FCN2: variants seen among roughly 807,000 people sequenced by gnomAD.
FCN2 encodes ficolin-2.
In FCN2, 31 loss-of-function variants were observed where a neutral mutation model predicts 32.5. The ratio of observed to expected loss-of-function variants is 0.96; its 90% CI spans 0.72 to 1.29. FCN2 has a LOEUF of 1.29. FCN2 is among the 50% of genes most tolerant of loss of function. The pLI, the probability that FCN2 is intolerant of heterozygous loss-of-function variation, is 0.00. For synonymous variants in FCN2, 181 were observed against 164.5 expected (o/e 1.10, Z -0.77); for missense variants, 412 against 406.5 (o/e 1.01, Z -0.12).
chr9:134,872,681 G>A, the FCN2 span, among the ~76,000 whole-genome samples: 3 of 152,154 alleles, frequency 2.0e-5, no homozygotes, highest in Non-Finnish European at 2.9e-5. Flanking sequence ...ATCAGATCTC[G>A]TGAGACTTGT....
At chr9:134,880,668 C>A, upstream of FCN2, 1 of 693,314 alleles carries the variant, frequency 1.4e-6, no homozygotes, top group Non-Finnish European at 2.7e-6. Context: ...TAGGGAGCAG[C>A]CCTGGAGATG....
the FCN2 span, among the ~76,000 whole-genome samples, chr9:134,865,168 C>T: frequency 6.6e-6 from 1 of 152,242 alleles, no homozygotes; most frequent in Middle Eastern, 3.2e-3. Flanking sequence ...AGGTGGTCCC[C>T]ACTGTGTCCC....
upstream of FCN2, among the ~76,000 whole-genome samples, chr9:134,876,586 G>A (rs1240171978): frequency 1.3e-5 from 2 of 152,060 alleles, no homozygotes; most frequent in Non-Finnish European, 2.9e-5. Context: ...GTTTTGTTTT[G>A]TTTTGTTTTG....
chr9:134,881,022 G>T, intron 1 of FCN2, 101 bp downstream of exon 1: 1 of 826,886 alleles, frequency 1.2e-6, no homozygotes, highest in East Asian at 2.6e-5. Context: ...GCACCAGGCC[G>T]TGTGGAGCAT....
upstream of FCN2, among the ~76,000 whole-genome samples, chr9:134,878,756 T>C (rs769260391): frequency 2.4e-4 from 37 of 152,156 alleles, no homozygotes; most frequent in Non-Finnish European, 4.4e-4. Context: ...GGCAGGAGAA[T>C]CGCTTGAACC....
In FCN2 at chr9:134,885,820, C is replaced by T. The variant is rs146926928; in HGVS notation, c.482C>T (p.Thr161Met). The change falls in exon 6 of 8, where the codon ACG becomes ATG. Residue 161 changes from threonine (T) to methionine (M), a missense_variant. Thr to Met is a moderately conservative substitution (Grantham distance 81, BLOSUM62 -1). Coordinates refer to ENST00000291744, the MANE Select transcript of FCN2 (RefSeq NM_004108.3). ...GTGGACTTCTACCGGGACTGGGCCACGTACAAGCAGGGCTTCGGCAGTCGG... is the reference window on the plus strand; with the variant it reads ...GTGGACTTCTACCGGGACTGGGCCATGTACAAGCAGGGCTTCGGCAGTCGG... ...GSVDFYRDWA[T>M]YKQGFGSRLG... 1.0e-4 allele frequency: 167 copies of T among 1,613,882 alleles called. No individual in the cohort carries two copies. The African/African-American group carries it at 1.6e-3, about 15-fold the overall frequency.
At chr9:134,873,566 C>T in the FCN2 span, among the ~76,000 whole-genome samples, 3 of 152,210 alleles carry the variant, frequency 2.0e-5, no homozygotes, top group Admixed American at 6.5e-5. Flanking sequence ...CCCCGTGTCA[C>T]GACCCTTCAT....
Position 134,885,293 on chromosome 9 carries a change from A to T in FCN2, c.356A>T (p.His119Leu). 6.2e-7 allele frequency: 1 copy of T among 1,614,064 alleles called. No homozygotes were observed. The highest frequency in any genetic ancestry group is 8.5e-7 in the Non-Finnish European group (1 of 1,180,002). ...LDRGHFLSGWHTIYLPDCRPL... is the reference protein window; with the variant it reads ...LDRGHFLSGWLTIYLPDCRPL... ...CGAGGGCACTTCCTGAGCGGCTGGC[A>T]CACCATCTACCTGCCCGACTGCCGG... Residue 119 changes from histidine to leucine, a missense_variant, in exon 5 of 8, where the codon CAC (histidine) becomes CTC (leucine). Physicochemically the swap from His to Leu is moderately conservative, Grantham distance 99. Transcript: ENST00000291744.
chr9:134,876,139 T>C (rs1046949109), upstream of FCN2, among the ~76,000 whole-genome samples: 1 of 152,224 alleles, frequency 6.6e-6, no homozygotes, highest in African/African-American at 2.4e-5. Flanking sequence ...TTGCTCATGA[T>C]ACATTATTTT....
chr9:134,880,835 G>C lies in FCN2; in HGVS notation c.14G>C (p.Arg5Thr). 1 of 1,613,646 alleles carries C rather than the reference G, an allele frequency of 6.2e-7. No individual in the cohort carries two copies. Among genetic ancestry groups the C allele is most frequent in the Admixed American group, 1.7e-5 (1 of 60,026 alleles). Residue 5 changes from arginine to threonine, a missense_variant, in exon 1 of 8, where the codon AGA becomes ACA. Physicochemically the swap from Arg to Thr is moderately conservative, Grantham distance 71. Coordinates refer to ENST00000291744, the MANE Select transcript of FCN2 (RefSeq NM_004108.3). ...AGACCAGAAGAGATGGAGCTGGACA[G>C]AGCTGTGGGGGTCCTGGGCGCTGCC... Reference protein sequence around the residue: MELDRAVGVLGAATL... With the variant: MELDTAVGVLGAATL...
the FCN2 span, among the ~76,000 whole-genome samples, chr9:134,874,601 C>T: frequency 2.7e-4 from 41 of 152,118 alleles, no homozygotes; most frequent in African/African-American, 9.9e-4. Context: ...CAACCATTTT[C>T]TTGATAGTGA....
At chr9:134,866,097 A>C in the FCN2 span, among the ~76,000 whole-genome samples, 17 of 151,146 alleles carry the variant, frequency 1.1e-4, no homozygotes, top group African/African-American at 1.9e-4. Context: ...CCATCCCCAT[A>C]AAGCTACCAA....
chr9:134,865,405 G>A, the FCN2 span, among the ~76,000 whole-genome samples: 1 of 152,234 alleles, frequency 6.6e-6, no homozygotes, highest in Admixed American at 6.5e-5. Context: ...CCAGGGGCCA[G>A]GGTAATGGTG....
At position 134,887,342 on chromosome 9, in the gene FCN2, G is replaced by C. The variant is rs1588646461; in HGVS notation, c.869G>C (p.Gly290Ala). The C allele has an allele frequency of 6.2e-7, 1 of 1,614,084 alleles. No homozygotes were observed. The highest frequency in any genetic ancestry group is 8.5e-7 in the Non-Finnish European group (1 of 1,179,996). Residue 290 changes from glycine (G) to alanine (A), a missense_variant, in exon 8 of 8, where the codon GGC becomes GCC. By Grantham distance (60) the Gly-to-Ala change is moderately conservative. Transcript: ENST00000291744. ...GGGACTCATGGCAGCTTTGCAAATG[G>C]CATCAACTGGAAGTCGGGGAAAGGA... ...LRGTHGSFAN[G>A]INWKSGKGYN...
Position 134,884,770 on chromosome 9 carries a change from C to A in FCN2, c.299C>A (p.Thr100Lys). 6.2e-7 allele frequency: 1 copy of A among 1,613,978 alleles called. No individual in the cohort carries two copies. The highest frequency in any genetic ancestry group is 8.5e-7 in the Non-Finnish European group (1 of 1,179,886). Residue 100 changes from threonine to lysine, a missense_variant and splice_region_variant, in exon 4 of 8, where the codon ACA becomes AAA. Thr to Lys is a moderately conservative substitution (Grantham distance 78). Coordinates refer to ENST00000291744, the MANE Select transcript of FCN2 (RefSeq NM_004108.3). ...CCTGGGGAGCCCCAGCCGTGCCTGACAGGTGACTGACCACCCCCACACTCC... is the reference window on the plus strand; with the variant it reads ...CCTGGGGAGCCCCAGCCGTGCCTGAAAGGTGACTGACCACCCCCACACTCC... ...GAPGEPQPCL[T>K]GPRTCKDLLD...
chr9:134,872,055 C>T, the FCN2 span, among the ~76,000 whole-genome samples: 1 of 152,136 alleles, frequency 6.6e-6, no homozygotes, highest in Non-Finnish European at 1.5e-5. Context: ...CTCTCTGCTG[C>T]CTGTCTTCCT....
the FCN2 span, among the ~76,000 whole-genome samples, chr9:134,870,020 G>A: frequency 5.4e-3 from 817 of 152,276 alleles, 27 homozygotes; most frequent in East Asian, 0.1. This position sits in a 1 kb window ranked among gnomAD's most constrained non-coding sequence, Gnocchi z 4.3. Flanking sequence ...AGGATGAATC[G>A]GATCCGACTC....
rs996907895 is a variant in FCN2, at chr9:134,885,515, C to T, written c.429+149C>T. ...GGGAGATGACCGGTGGGTAAAAGTCCAGGCCTTTGGGGGAGGCTGGGAGAG... is the reference window on the plus strand; with the variant it reads ...GGGAGATGACCGGTGGGTAAAAGTCTAGGCCTTTGGGGGAGGCTGGGAGAG... On this transcript the variant is annotated intron_variant, in intron 5 of 7. Coordinates refer to ENST00000291744, the MANE Select transcript of FCN2 (RefSeq NM_004108.3). 120 of 1,406,316 alleles carry T rather than the reference C, an allele frequency of 8.5e-5. No individual in the cohort carries two copies. In the Admixed American group the frequency reaches 2.4e-3, roughly 28 times the overall value. 87.1% of individuals were successfully genotyped at this position (1,406,316 alleles called of 1,614,324 possible).
At chr9:134,871,152 A>T in the FCN2 span, among the ~76,000 whole-genome samples, 1 of 151,812 alleles carries the variant, frequency 6.6e-6, no homozygotes. Context: ...TACTGTTACC[A>T]CTCTTCTACA....
Sources: allele counts gnomAD v4.1 joint callset (sites outside exome capture counted in the v4.1 genomes callset), GRCh38; gene constraint gnomAD v4.1.1; non-coding constraint Gnocchi (gnomAD v3.1); transcripts MANE v1.5; gene names NCBI Gene and HGNC (gene_info 2026-07-23, HGNC 2026-07-21).